ARHGEF33: variants seen among roughly 807,000 people sequenced by gnomAD.
The protein encoded by ARHGEF33 is DH and coiled-coil domain-containing protein ENSP00000381780.
Under a neutral mutation model 101.9 loss-of-function variants are expected in ARHGEF33, and 72 were observed. The observed-to-expected ratio is 0.71, with a 90% CI of 0.58 to 0.86. The LOEUF is 0.86. Ranked by LOEUF, ARHGEF33 falls within the 40% of genes least tolerant of loss-of-function variation. The probability of loss-of-function intolerance (pLI) is 0.00; values close to 1 mark genes in which losing one functional copy is unlikely to be tolerated. For missense variants in ARHGEF33, 1,169 were observed against 1,111.3 expected, an observed-to-expected ratio of 1.05 and a Z score of -0.74; for synonymous variants, 499 against 442.5, an observed-to-expected ratio of 1.13 and a Z score of -1.60.
intron 2 of ARHGEF33, among the ~76,000 whole-genome samples, chr2:38,897,138 A>G (rs144553513): frequency 3.3e-5 from 5 of 151,966 alleles, no homozygotes; most frequent in Admixed American, 6.6e-5. Flanking sequence ...CTGGTCTCGA[A>G]CTCCTGACCC....
intron 2 of ARHGEF33, among the ~76,000 whole-genome samples, chr2:38,917,707 T>C (rs1666667871): frequency 6.6e-6 from 1 of 151,602 alleles, no homozygotes; most frequent in Non-Finnish European, 1.5e-5. Flanking sequence ...CATCCACCTG[T>C]AGTCCTAGCT....
At chr2:38,955,244 G>A (rs1667709752) in intron 13 of ARHGEF33, among the ~76,000 whole-genome samples, 1 of 152,146 alleles carries the variant, frequency 6.6e-6, no homozygotes, top group Non-Finnish European at 1.5e-5. Flanking sequence ...AAGATGATGA[G>A]CTGATGTCTT....
At chr2:38,903,490 A>G (rs1401954920) in intron 2 of ARHGEF33, among the ~76,000 whole-genome samples, 2 of 152,040 alleles carry the variant, frequency 1.3e-5, no homozygotes, top group Non-Finnish European at 2.9e-5. Flanking sequence ...TTTTGGAGAC[A>G]GGAGCATCCA....
At chr2:38,965,882 G>A in intron 16 of ARHGEF33, 124 bp from the exon 17 acceptor site, 4 of 1,157,728 alleles carry the variant, frequency 3.5e-6, no homozygotes, top group East Asian at 2.6e-5. Flanking sequence ...TTGGGATTGG[G>A]TGCCCACTGG....
chr2:38,941,688 C>T (rs1667311455), intron 9 of ARHGEF33, among the ~76,000 whole-genome samples: 1 of 151,926 alleles, frequency 6.6e-6, no homozygotes, highest in Non-Finnish European at 1.5e-5. Context: ...GCTGGGACTA[C>T]AGCCGTCCAC....
intron 1 of ARHGEF33, among the ~76,000 whole-genome samples, chr2:38,891,737 C>A (rs1011450858): frequency 8.6e-5 from 13 of 151,702 alleles, no homozygotes; most frequent in African/African-American, 3.2e-4. Context: ...CCGCCCCCCA[C>A]ACAATTTACA....
In ARHGEF33 at chr2:38,959,392, C is replaced by T. The variant is rs115277192; in HGVS notation, c.1536-449C>T. On this transcript the variant is annotated intron_variant, in intron 15 of 17. Coordinates refer to ENST00000409978, the MANE Select transcript of ARHGEF33 (RefSeq NM_001145451.5). ...GCCCTCATCCAGATTCAACAGTTAT[C>T]AAGATCATGCCACGTTTACTTTATC... is the stretch of plus-strand genomic sequence containing the variant. 477 of 154,454 alleles carry T rather than the reference C, an allele frequency of 3.1e-3. 4 individuals carry two copies. The highest frequency in any genetic ancestry group is 0.011 in the African/African-American group (454 of 41,644). 9.6% of individuals were successfully genotyped at this position (154,454 alleles called of 1,614,324 possible).
intron 14 of ARHGEF33, among the ~76,000 whole-genome samples, chr2:38,957,337 G>A (rs1363657502): frequency 6.6e-6 from 1 of 152,134 alleles, no homozygotes; most frequent in Non-Finnish European, 1.5e-5. Flanking sequence ...AAACTTGCCT[G>A]GTTCAAAACT....
rs1386843477 is a variant in ARHGEF33, at chr2:38,960,499, A to AGCG, written c.2200_2202dup (p.Gly734dup). Reference sequence around the variant, plus strand: ...ACGCCTCTACAGCACGCGCAGCAGCAGCGGCGGCCGCGCGCCCATCAAGGC... The same window carrying AGCG: ...ACGCCTCTACAGCACGCGCAGCAGCAGCGGCGGCGGCCGCGCGCCCATCAAGGC... On this transcript the variant is annotated inframe_insertion, in exon 16 of 18. Transcript: ENST00000409978. The AGCG allele has an allele frequency of 1.1e-5, 15 of 1,358,548 alleles. No individual in the cohort carries two copies. The highest frequency in any genetic ancestry group is 1.5e-5 in the African/African-American group (1 of 64,900). 84.2% of individuals were successfully genotyped at this position (1,358,548 alleles called of 1,614,324 possible).
intron 17 of ARHGEF33, chr2:38,972,025 G>A (rs1668175966): frequency 2.0e-5 from 14 of 696,628 alleles, no homozygotes; most frequent in Non-Finnish European, 3.2e-5. Flanking sequence ...AGCTAAGAGG[G>A]GAAATACGAG....
At chr2:38,941,642 G>A (rs1667310159) in intron 9 of ARHGEF33, among the ~76,000 whole-genome samples, 1 of 151,712 alleles carries the variant, frequency 6.6e-6, no homozygotes, top group South Asian at 2.1e-4. Context: ...CTGGCTGCCA[G>A]GTTCAAGCAA....
At chr2:38,933,976 C>G (rs1040155569) in intron 7 of ARHGEF33, among the ~76,000 whole-genome samples, 1 of 152,186 alleles carries the variant, frequency 6.6e-6, no homozygotes, top group African/African-American at 2.4e-5. Flanking sequence ...TATACCTTAC[C>G]TTTAGGTTCC....
chr2:38,952,515 A>G (rs1667637135), intron 11 of ARHGEF33, among the ~76,000 whole-genome samples: 1 of 152,232 alleles, frequency 6.6e-6, no homozygotes, highest in African/African-American at 2.4e-5. Flanking sequence ...CTGAAATGAA[A>G]TGGAATTACA....
chr2:38,900,839 A>G (rs1289339537), intron 2 of ARHGEF33, among the ~76,000 whole-genome samples: 2 of 152,192 alleles, frequency 1.3e-5, no homozygotes, highest in Non-Finnish European at 1.5e-5. Context: ...TTCTTTCAAT[A>G]TCTCACACTT....
rs750868387 is a variant in ARHGEF33, at chr2:38,965,835, G to A, written c.2344-171G>A. Reference sequence around the variant, plus strand: ...CTCAGCAGGAAATTATCCTCTTTTCGCCTGCTGGTTTCTTCATTAGCCTAG... The same window carrying A: ...CTCAGCAGGAAATTATCCTCTTTTCACCTGCTGGTTTCTTCATTAGCCTAG... On this transcript the variant is annotated intron_variant, in intron 16 of 17. Coordinates refer to ENST00000409978, the MANE Select transcript of ARHGEF33 (RefSeq NM_001145451.5). Among the ~76,000 whole-genome samples the A allele has an allele frequency of 1.3e-5, 2 of 152,016 alleles. 1 individual carries two copies. Among genetic ancestry groups the A allele is most frequent in the South Asian group, 4.2e-4 (2 of 4,810 alleles).
chr2:38,912,773 C>T (rs1666535641), intron 2 of ARHGEF33, among the ~76,000 whole-genome samples: 2 of 152,088 alleles, frequency 1.3e-5, no homozygotes, highest in African/African-American at 4.8e-5. Context: ...TATGGACCTG[C>T]CCGAATTACA....
chr2:38,943,811 A>C (rs1667372579), intron 9 of ARHGEF33, 90 bp from the exon 10 acceptor site: 2 of 1,326,860 alleles, frequency 1.5e-6, no homozygotes, highest in Non-Finnish European at 2.1e-6. Context: ...TATTGCTTTC[A>C]ATATCCTTTT....
chr2:38,921,593 T>A (rs539058206), intron 4 of ARHGEF33, among the ~76,000 whole-genome samples, 170 bp downstream of exon 4: 55 of 152,312 alleles, frequency 3.6e-4, no homozygotes, highest in Admixed American at 2.7e-3. Context: ...CCACTCACAG[T>A]GTACTTTGGA....
chr2:38,909,462 C>G (rs920093917), intron 2 of ARHGEF33, among the ~76,000 whole-genome samples: 1 of 150,372 alleles, frequency 6.7e-6, no homozygotes, highest in African/African-American at 2.4e-5. Flanking sequence ...GCTGGAATTA[C>G]AGTAGTGCAC....
Sources: allele counts gnomAD v4.1 joint callset (sites outside exome capture counted in the v4.1 genomes callset), GRCh38; gene constraint gnomAD v4.1.1; transcripts MANE v1.5; gene names NCBI Gene and HGNC (gene_info 2026-07-23, HGNC 2026-07-21).